VRTN: variants seen among roughly 807,000 people sequenced by gnomAD.
VRTN encodes vertnin.
In VRTN, 5 loss-of-function variants were observed where a neutral mutation model predicts 18.2. The ratio of observed to expected loss-of-function variants is 0.27; its 90% confidence interval spans 0.14 to 0.58. The LOEUF (loss-of-function observed/expected upper bound fraction) is 0.58, where lower values mean the gene tolerates loss of function less well. VRTN is among the 20% of genes least tolerant of loss of function. The pLI is 0.91. For synonymous variants in VRTN, 381 were observed against 393.7 expected, an observed-to-expected ratio of 0.97 and a Z score of 0.38; for missense variants, 741 against 939.4, an observed-to-expected ratio of 0.79 and a Z score of 2.76.
At chr14:74,312,004 AGG>A (rs1452561258) in intron 1 of VRTN, among the ~76,000 whole-genome samples, 1 of 151,044 alleles carries the variant, frequency 6.6e-6, no homozygotes, top group Non-Finnish European at 1.5e-5. Flanking sequence ...TCCTGACCTC[AGG>A]TGATCCACCT....
At chr14:74,335,111 G>GTCTC (rs1217277056) in intron 1 of VRTN, among the ~76,000 whole-genome samples, 1 of 152,124 alleles carries the variant, frequency 6.6e-6, no homozygotes, top group Non-Finnish European at 1.5e-5. Flanking sequence ...GTGAAACCTT[G>GTCTC]TCTCTACTAA....
chr14:74,354,417 T>G (rs540505797), intron 1 of VRTN, among the ~76,000 whole-genome samples: 1 of 152,160 alleles, frequency 6.6e-6, no homozygotes, highest in South Asian at 2.1e-4. Context: ...GGGTCTTTTT[T>G]TTTTTTGAGA....
At chr14:74,320,509 G>A (rs1216194757) in intron 1 of VRTN, among the ~76,000 whole-genome samples, 6 of 136,266 alleles carry the variant, frequency 4.4e-5, no homozygotes, top group Admixed American at 1.6e-4. Context: ...TGATCCGCCC[G>A]CCTTGGCCTC....
At chr14:74,327,313 G>A (rs989600824) in intron 1 of VRTN, among the ~76,000 whole-genome samples, 1 of 152,258 alleles carries the variant, frequency 6.6e-6, no homozygotes, top group East Asian at 1.9e-4. Flanking sequence ...TTCCCCACCT[G>A]CCACCTTGAG....
At position 74,359,148 on chromosome 14, in the gene VRTN, A is replaced by G. The variant is rs2085761970; in HGVS notation, c.*256A>G. 1 of 646,166 alleles carries G rather than the reference A, an allele frequency of 1.5e-6. No homozygotes were observed. The highest frequency in any genetic ancestry group is 2.3e-6 in the Non-Finnish European group (1 of 443,074). 40.0% of individuals were successfully genotyped at this position (646,166 alleles called of 1,614,324 possible). A position where few individuals can be genotyped will look rare whatever the true frequency, so the allele number is the denominator to read the frequency against. On this transcript the variant is annotated 3_prime_UTR_variant, in exon 2 of 2. Coordinates refer to ENST00000256362, the MANE Select transcript of VRTN (RefSeq NM_018228.3). The stretch of plus-strand genomic sequence containing the variant: ...GTTTGCTGGTCATATTTTTACTGTT[A>G]TGATTTAGTTTTTGGTTTTGATTTG...
Position 74,358,418 on chromosome 14 carries a change from G to C in VRTN, c.1635G>C (p.Lys545Asn). ...CACCTTCTGCCTTTTGGGTCTGGAA[G>C]AGTCTTGCTCGGGGTTGGCCCAGAG... ...SLSPSAFWVW[K>N]SLARGWPRGL... is the part of the protein sequence containing the mutation. Residue 545 changes from lysine to asparagine, a missense_variant, in exon 2 of 2, where the codon AAG becomes AAC. Lys to Asn is a moderately conservative substitution (Grantham distance 94, BLOSUM62 0). This residue lies in a region of VRTN where 494 missense variants were observed against 546.5 expected (regional missense o/e 0.90). Transcript: ENST00000256362. The surrounding 1 kb of genome is among the most constrained non-coding windows in gnomAD (Gnocchi z 5.4). 1 of 1,614,190 alleles carries C rather than the reference G, an allele frequency of 6.2e-7. No homozygotes were observed. Among genetic ancestry groups the C allele is most frequent in the East Asian group, 2.2e-5 (1 of 44,878 alleles).
chr14:74,356,116 G>A (rs1425352368), intron 1 of VRTN, among the ~76,000 whole-genome samples: 2 of 152,110 alleles, frequency 1.3e-5, no homozygotes, highest in Non-Finnish European at 2.9e-5. Flanking sequence ...ACAGGCATGA[G>A]CCACCACGCC....
At chr14:74,318,716 T>C (rs1418912023) in intron 1 of VRTN, among the ~76,000 whole-genome samples, 23 of 140,860 alleles carry the variant, frequency 1.6e-4, no homozygotes, top group African/African-American at 5.6e-4. Context: ...CCGGCCTTTT[T>C]TTTTTTTTTT....
chr14:74,306,163 TATA>T lies in VRTN; in HGVS notation c.-164+2988_-164+2990del, dbSNP rs1339196709. ...AAATATACATATATATATATATATA[TATA>T]TATATATTTTTTTTTTTTTTTTGAG... On this transcript the variant is annotated intron_variant, in intron 1 of 2. Coordinates refer to the VRTN transcript ENST00000557177. 27 of 69,032 alleles carry T rather than the reference TATA, an allele frequency of 3.9e-4. 1 individual carries two copies. Among genetic ancestry groups the T allele is most frequent in the African/African-American group, 1.7e-3 (23 of 13,582 alleles). 4.3% of individuals were successfully genotyped at this position (69,032 alleles called of 1,614,324 possible).
rs564571486 is a variant in VRTN at position 74,340,768 on chromosome 14, T to C, written c.-2+2884T>C. Among the ~76,000 whole-genome samples, 3 of 152,372 alleles carry C rather than the reference T, an allele frequency of 2.0e-5. No homozygotes were observed. The South Asian group carries it at 6.2e-4, about 32-fold the overall frequency. Reference sequence around the variant, plus strand: ...ACAATTTATTTTTATTTTTATTTTTTGAGACGGAGTCTTGCTCTGTCGCCC... The same window carrying C: ...ACAATTTATTTTTATTTTTATTTTTCGAGACGGAGTCTTGCTCTGTCGCCC... On this transcript the variant is annotated intron_variant, in intron 2 of 2. Transcript: ENST00000557177.
In VRTN at chr14:74,358,272, C is replaced by G. The variant is rs1401847057; in HGVS notation, c.1489C>G (p.Leu497Val). The stretch of plus-strand genomic sequence containing the variant: ...TGAGGACCCTCCCGCCCCCGGGGAG[C>G]TCCTGCCACTAAGGATGCCCCTGTC... ...TGEDPPAPGE[L>V]LPLRMPLSRW... Residue 497 changes from leucine (L) to valine (V), a missense_variant, in exon 2 of 2, where the codon CTC becomes GTC. Around this residue, in one of 3 missense-constraint regions of VRTN, gnomAD observed 494 missense variants for 546.5 expected, o/e 0.90. Coordinates refer to ENST00000256362, the MANE Select transcript of VRTN (RefSeq NM_018228.3). The surrounding 1 kb of genome is among the most constrained non-coding windows in gnomAD (Gnocchi z 5.4). The G allele has an allele frequency of 9.3e-6, 15 of 1,610,824 alleles. No homozygotes were observed. The highest frequency in any genetic ancestry group is 1.3e-5 in the Non-Finnish European group (15 of 1,178,192).
intron 2 of VRTN, among the ~76,000 whole-genome samples, chr14:74,340,208 G>C (rs2085593293): frequency 6.6e-6 from 1 of 151,534 alleles, no homozygotes; most frequent in Non-Finnish European, 1.5e-5. Flanking sequence ...CGCCTCCCAG[G>C]TTCAAGCGAT....
intron 1 of VRTN, among the ~76,000 whole-genome samples, chr14:74,354,392 T>G (rs1015965616): frequency 6.6e-6 from 1 of 150,962 alleles, no homozygotes; most frequent in Non-Finnish European, 1.5e-5. Flanking sequence ...TGTACCCTGT[T>G]ATATTAAAAT....
chr14:74,318,432 G>A (rs371099337), intron 1 of VRTN, among the ~76,000 whole-genome samples: 1 of 152,056 alleles, frequency 6.6e-6, no homozygotes, highest in African/African-American at 2.4e-5. Flanking sequence ...CACCACGCCC[G>A]GCTATTTTTG....
intron 1 of VRTN, among the ~76,000 whole-genome samples, chr14:74,314,196 A>G (rs1215160679): frequency 6.6e-6 from 1 of 151,958 alleles, no homozygotes; most frequent in Non-Finnish European, 1.5e-5. Context: ...CAGTGGTGTG[A>G]TCATGGCTCA....
chr14:74,311,052 A>T (rs1441638103), intron 1 of VRTN, among the ~76,000 whole-genome samples: 1 of 152,180 alleles, frequency 6.6e-6, no homozygotes, highest in Non-Finnish European at 1.5e-5. Context: ...GGTTGTTTCG[A>T]GGAATAAACA....
At chr14:74,307,392 A>G (rs2085360228) in intron 1 of VRTN, among the ~76,000 whole-genome samples, 1 of 151,954 alleles carries the variant, frequency 6.6e-6, no homozygotes. Flanking sequence ...CACCTCCCCA[A>G]GTGCTGAGAT....
chr14:74,308,447 T>C (rs764521422), intron 1 of VRTN, among the ~76,000 whole-genome samples: 4 of 152,230 alleles, frequency 2.6e-5, no homozygotes, highest in Non-Finnish European at 5.9e-5. Context: ...TAATCCAGTT[T>C]CTACAAAGCA....
chr14:74,339,528 C>A (rs2085586881), intron 2 of VRTN, among the ~76,000 whole-genome samples: 1 of 152,046 alleles, frequency 6.6e-6, no homozygotes, highest in Admixed American at 6.6e-5. Context: ...AAAAAGAAAT[C>A]AGGGTGGGCA....
Sources: gnomAD v4.1 joint callset for allele counts (sites outside exome capture counted in the v4.1 genomes callset) on GRCh38, gnomAD v4.1.1 for gene constraint, gnomAD v4.1.1 regional missense constraint, Gnocchi (gnomAD v3.1) non-coding constraint, MANE v1.5 for transcripts, NCBI Gene and HGNC (gene_info 2026-07-23, HGNC 2026-07-21) for gene names.